The following TRIM17 variants were observed in gnomAD, a reference collection of about 807,000 sequenced individuals.
The protein encoded by TRIM17 is tripartite motif containing 17, also known as E3 ubiquitin-protein ligase TRIM17.
TRIM17 carries 27 observed loss-of-function variants against 35.8 expected under a neutral mutation model. That is an observed-to-expected ratio of 0.75 (90% CI 0.56 to 1.04). TRIM17 has a LOEUF of 1.04. TRIM17 is among the 50% of genes least tolerant of loss of function. TRIM17 has a pLI of 0.00. For missense variants in TRIM17, 582 were observed against 612.8 expected, an observed-to-expected ratio of 0.95 and a Z score of 0.53; for synonymous variants, 246 against 252.6, an observed-to-expected ratio of 0.97 and a Z score of 0.25.
chr1:228,410,610 G>A lies in TRIM17; in HGVS notation c.756+336C>T, dbSNP rs959023087. ...ACCTCAGAATGTGACTGTGTTTGGAGATAGCATCTTTAAGGAGGGAGTTGA... is the reference window on the plus strand; with the variant it reads ...ACCTCAGAATGTGACTGTGTTTGGAAATAGCATCTTTAAGGAGGGAGTTGA... On this transcript the variant is annotated intron_variant, in intron 4 of 6. Transcript: ENST00000366698. This position sits in a 1 kb window ranked among gnomAD's most constrained non-coding sequence, Gnocchi z 4.6. 1.3e-5 allele frequency among the ~76,000 whole-genome samples: 2 copies of A among 152,218 alleles called. No individual in the cohort carries two copies. Among genetic ancestry groups the A allele is most frequent in the African/African-American group, 4.8e-5 (2 of 41,454 alleles).
chr1:228,415,786 T>C (rs903701716), intron 1 of TRIM17: 1 of 152,346 alleles, frequency 6.6e-6, no homozygotes, highest in Non-Finnish European at 1.5e-5. Flanking sequence ...CACATACCCA[T>C]GTATGTATAC....
At position 228,408,538 on chromosome 1, in the gene TRIM17, GC is replaced by G. The variant is rs773895743; in HGVS notation, c.1096del (p.Ala366ProfsTer9). 3 of 1,614,094 alleles carry G rather than the reference GC, an allele frequency of 1.9e-6. No homozygotes were observed. The highest frequency in any genetic ancestry group is 2.5e-6 in the Non-Finnish European group (3 of 1,180,008). On this transcript the variant is annotated frameshift_variant, in exon 7 of 7. Coordinates refer to ENST00000366698, the MANE Select transcript of TRIM17 (RefSeq NM_016102.4). LOFTEE classifies it low-confidence loss of function (END_TRUNC). The surrounding 1 kb of genome is among the most constrained non-coding windows in gnomAD (Gnocchi z 6.3). Reference sequence around the variant, plus strand: ...CACGTTGTCCCTGCACACACCCAGGGCCCACAACGCGTCCCCGGTGATGTTC... The same window carrying G: ...CACGTTGTCCCTGCACACACCCAGGGCCACAACGCGTCCCCGGTGATGTTC... ...GMNITGDALW[A>X]LGVCRDNVSR...
rs970913885 is a variant in TRIM17 at position 228,414,814 on chromosome 1, C to T, written c.259G>A (p.Ala87Thr). The change falls in exon 2 of 7, where the codon GCG (alanine) becomes ACG (threonine). Residue 87 changes from alanine to threonine, a missense_variant. By Grantham distance (58) the Ala-to-Thr change is moderately conservative. Transcript: ENST00000366698. ...NRLLTKVAEM[A>T]QQHPGLQKQD... is the part of the protein sequence containing the mutation. ...TTCTGCAGACCAGGATGCTGCTGCG[C>T]CATCTCGGCCACCTTGGTCAGCAGC... The T allele has an allele frequency of 5.6e-6, 9 of 1,613,464 alleles. No individual in the cohort carries two copies. The highest frequency in any genetic ancestry group is 1.3e-5 in the African/African-American group (1 of 75,076).
Position 228,414,665 on chromosome 1 carries a change from C to T in TRIM17, c.408G>A (p.Glu136=). 2 of 1,611,610 alleles carry T rather than the reference C, an allele frequency of 1.2e-6. No homozygotes were observed. Among genetic ancestry groups the T allele is most frequent in the Non-Finnish European group, 1.7e-6 (2 of 1,179,990 alleles). ...EHRLHRVLPA[E]EAVQGYKLKL... Reference sequence around the variant, plus strand: ...CTACCTTGTACCCCTGCACTGCCTCCTCGGCGGGCAGCACCCTGTGCAGCC... The same window carrying T: ...CTACCTTGTACCCCTGCACTGCCTCTTCGGCGGGCAGCACCCTGTGCAGCC... Residue 136 remains glutamate, a synonymous_variant, in exon 2 of 7, where the codon GAG becomes GAA. Coordinates refer to ENST00000366698, the MANE Select transcript of TRIM17 (RefSeq NM_016102.4).
Position 228,408,077 on chromosome 1 carries a change from C to A in TRIM17, c.*124G>T, listed in dbSNP as rs990314813. 4 of 854,140 alleles carry A rather than the reference C, an allele frequency of 4.7e-6. No homozygotes were observed. Among genetic ancestry groups the A allele is most frequent in the East Asian group, 2.6e-5 (1 of 39,110 alleles). 52.9% of individuals were successfully genotyped at this position (854,140 alleles called of 1,614,324 possible). On this transcript the variant is annotated 3_prime_UTR_variant, in exon 7 of 7. Coordinates refer to ENST00000366698, the MANE Select transcript of TRIM17 (RefSeq NM_016102.4). This position sits in a 1 kb window ranked among gnomAD's most constrained non-coding sequence, Gnocchi z 6.3. ...ACAATTATATTTAGAATTTGAGAAA[C>A]CCCCCTGTGTGTCTAATGGCTGCCA...
Position 228,408,497 on chromosome 1 carries a change from C to G in TRIM17, c.1138G>C (p.Val380Leu), listed in dbSNP as rs1199330569. ...AAGCCGTTTTCGGGGCACTTGGGGA[C>G]CCTGTCTTTCCGGCTCACGTTGTCC... The part of the protein sequence containing the change: ...CRDNVSRKDR[V>L]PKCPENGFWV... Residue 380 changes from valine to leucine, a missense_variant, in exon 7 of 7, where the codon GTC becomes CTC. Transcript: ENST00000366698. This position sits in a 1 kb window ranked among gnomAD's most constrained non-coding sequence, Gnocchi z 6.3. 2 of 1,614,102 alleles carry G rather than the reference C, an allele frequency of 1.2e-6. No homozygotes were observed. Among genetic ancestry groups the G allele is most frequent in the Middle Eastern group, 1.7e-4 (1 of 6,058 alleles).
Position 228,411,435 on chromosome 1 carries a change from C to A in TRIM17, c.526-259G>T, listed in dbSNP as rs573579. Among the ~76,000 whole-genome samples the A allele has an allele frequency of 9.5e-4, 144 of 152,334 alleles. No homozygotes were observed. The highest frequency in any genetic ancestry group is 3.3e-3 in the African/African-American group (136 of 41,580). On this transcript the variant is annotated intron_variant, in intron 3 of 6. Coordinates refer to ENST00000366698, the MANE Select transcript of TRIM17 (RefSeq NM_016102.4). This position sits in a 1 kb window ranked among gnomAD's most constrained non-coding sequence, Gnocchi z 4.2. The stretch of plus-strand genomic sequence containing the variant: ...TCTGAGGAGGTTCAGAATGTCCACC[C>A]CCAGATAAGCCTCTTGGGCATGTTA...
Position 228,409,372 on chromosome 1 carries a change from C to A in TRIM17, c.779+17G>T. The A allele has an allele frequency of 6.3e-7, 1 of 1,584,290 alleles. No individual in the cohort carries two copies. Among genetic ancestry groups the A allele is most frequent in the Non-Finnish European group, 8.6e-7 (1 of 1,165,898 alleles). ...CCGCTGCCACTGCCCCCGCCCCTGC[C>A]TGAGGGGACCACATACCTGCTCAGG... is the stretch of plus-strand genomic sequence containing the variant. On this transcript the variant is annotated intron_variant, in intron 5 of 6. Transcript: ENST00000366698.
chr1:228,416,770 C>T lies in TRIM17; in HGVS notation c.-273G>A. On this transcript the variant is annotated 5_prime_UTR_variant, in exon 1 of 7. Coordinates refer to ENST00000366698, the MANE Select transcript of TRIM17 (RefSeq NM_016102.4). ...GGCGGCCGGGACTGGGGCGGCGCCT[C>T]TTAGGAGAGGTTGGGGGTGGCTTGG... is the stretch of plus-strand genomic sequence containing the variant. 1 of 976,958 alleles carries T rather than the reference C, an allele frequency of 1.0e-6. No homozygotes were observed. Among genetic ancestry groups the T allele is most frequent in the Non-Finnish European group, 1.2e-6 (1 of 827,372 alleles). 60.5% of individuals were successfully genotyped at this position (976,958 alleles called of 1,614,324 possible).
intron 3 of TRIM17, among the ~76,000 whole-genome samples, chr1:228,413,580 T>C (rs554928274): frequency 2.0e-5 from 3 of 152,234 alleles, no homozygotes; most frequent in Non-Finnish European, 4.4e-5. Flanking sequence ...TATGTGTGCA[T>C]CTGTAATTTA....
At chr1:228,413,970 A>C in intron 2 of TRIM17, 78 bp from the exon 3 acceptor site, 1 of 1,200,886 alleles carries the variant, frequency 8.3e-7, no homozygotes, top group Non-Finnish European at 1.2e-6. Flanking sequence ...GTGCTCGCTG[A>C]AACTGCACCC....
chr1:228,411,043 TC>T lies in TRIM17; in HGVS notation c.658del (p.Glu220ArgfsTer35). Reference sequence around the variant, plus strand: ...CTGCCGGTCCAGGCAGGCCACGCTCTCCCGGAGCCTGCTGGCAGTCTCCTCT... The same window carrying T: ...CTGCCGGTCCAGGCAGGCCACGCTCTCCGGAGCCTGCTGGCAGTCTCCTCT... ...EEEETASRLR[E>X]SVACLDRQGH... On this transcript the variant is annotated frameshift_variant, in exon 4 of 7. Coordinates refer to ENST00000366698, the MANE Select transcript of TRIM17 (RefSeq NM_016102.4). LOFTEE classifies it high-confidence loss of function. This position sits in a 1 kb window ranked among gnomAD's most constrained non-coding sequence, Gnocchi z 4.2. The T allele has an allele frequency of 6.2e-7, 1 of 1,613,646 alleles. No individual in the cohort carries two copies. Among genetic ancestry groups the T allele is most frequent in the Non-Finnish European group, 8.5e-7 (1 of 1,179,954 alleles).
intron 2 of TRIM17, 37 bp from the exon 3 acceptor site, chr1:228,413,929 G>A (rs370911182): frequency 9.5e-6 from 15 of 1,571,758 alleles, no homozygotes; most frequent in East Asian, 2.2e-5. Context: ...TGGGATCAGC[G>A]ATCCCCCTAC....
rs202098111 is a variant in TRIM17 at position 228,414,964 on chromosome 1, G to A, written c.109C>T (p.Arg37Ter). The A allele has an allele frequency of 5.5e-5, 89 of 1,613,366 alleles. 1 individual carries two copies. The East Asian group carries it at 1.4e-3, about 25-fold the overall frequency. ...VMTTCGHNFCRACIQLSWEKA... is the reference protein window; with the variant it reads ...VMTTCGHNFC ...TCCCAGCTCAGCTGGATGCAGGCTC[G>A]GCAGAAGTTGTGGCCACAGGTGGTC... is the stretch of plus-strand genomic sequence containing the variant. Residue 37 changes from arginine to a stop codon, truncating the protein, a stop_gained, in exon 2 of 7, where the codon CGA becomes TGA. Coordinates refer to ENST00000366698, the MANE Select transcript of TRIM17 (RefSeq NM_016102.4). LOFTEE classifies it high-confidence loss of function.
In TRIM17 at chr1:228,410,562, A is replaced by C. The variant is rs1321653447; in HGVS notation, c.756+384T>G. Reference sequence around the variant, plus strand: ...CTGACTTGTGTCCCCACTAATTCACAGGTTGAAGCCTGAACCCTCAGGACC... The same window carrying C: ...CTGACTTGTGTCCCCACTAATTCACCGGTTGAAGCCTGAACCCTCAGGACC... On this transcript the variant is annotated intron_variant, in intron 4 of 6. Transcript: ENST00000366698. The surrounding 1 kb of genome is among the most constrained non-coding windows in gnomAD (Gnocchi z 4.6). Among the ~76,000 whole-genome samples the C allele has an allele frequency of 6.6e-6, 1 of 152,156 alleles. No individual in the cohort carries two copies. Among genetic ancestry groups the C allele is most frequent in the East Asian group, 1.9e-4 (1 of 5,182 alleles).
intron 1 of TRIM17, 67 bp downstream of exon 1, chr1:228,416,472 T>TTA: frequency 1.0e-6 from 1 of 986,034 alleles, no homozygotes; most frequent in Non-Finnish European, 1.2e-6. Flanking sequence ...GAGGACCGGG[T>TTA]TAGGCTTAGG....
At position 228,416,539 on chromosome 1, in the gene TRIM17, C is replaced by A. The variant is rs1409488574; in HGVS notation, c.-42G>T. ...AGGCGGCGGGGTGGGGGCTACTCAC[C>A]GCGGGGAAGGGGGGCCCGCACAGCG... is the stretch of plus-strand genomic sequence containing the variant. On this transcript the variant is annotated splice_region_variant and 5_prime_UTR_variant, in exon 1 of 7. Coordinates refer to ENST00000366698, the MANE Select transcript of TRIM17 (RefSeq NM_016102.4). The A allele has an allele frequency of 1.0e-6, 1 of 985,248 alleles. No individual in the cohort carries two copies. The highest frequency in any genetic ancestry group is 1.2e-6 in the Non-Finnish European group (1 of 830,126). 61.0% of individuals were successfully genotyped at this position (985,248 alleles called of 1,614,324 possible). A position where few individuals can be genotyped will look rare whatever the true frequency, so the allele number is the denominator to read the frequency against.
Position 228,415,075 on chromosome 1 carries a change from C to G in TRIM17, c.-3G>C. 2 of 1,596,232 alleles carry G rather than the reference C, an allele frequency of 1.3e-6. No homozygotes were observed. Among genetic ancestry groups the G allele is most frequent in the South Asian group, 1.1e-5 (1 of 89,926 alleles). ...CTGGCGAGTTCCACAGCCTCCATGG[C>G]TCCTGGGAGACACGAGGCAGGTTCC... On this transcript the variant is annotated 5_prime_UTR_variant, in exon 2 of 7. Transcript: ENST00000366698.
At position 228,414,628 on chromosome 1, in the gene TRIM17, C is replaced by A; in HGVS notation, c.429+16G>T. On this transcript the variant is annotated intron_variant, in intron 2 of 6. Transcript: ENST00000366698. ...CTCCTCCCCGGCCCCTTGACCTGGG[C>A]CCCGATGTGGCCTACCTTGTACCCC... 1 of 1,602,234 alleles carries A rather than the reference C, an allele frequency of 6.2e-7. No homozygotes were observed. The highest frequency in any genetic ancestry group is 8.5e-7 in the Non-Finnish European group (1 of 1,172,380).
Sources: allele counts gnomAD v4.1 joint callset (sites outside exome capture counted in the v4.1 genomes callset), GRCh38; gene constraint gnomAD v4.1.1; non-coding constraint Gnocchi (gnomAD v3.1); transcripts MANE v1.5; gene names NCBI Gene and HGNC (gene_info 2026-07-23, HGNC 2026-07-21).